MAST4: variants seen among roughly 807,000 people sequenced by gnomAD.
MAST4 encodes microtubule associated serine/threonine kinase family member 4.
In MAST4, 89 loss-of-function variants were observed where a neutral mutation model predicts 162.7. That is an observed-to-expected ratio of 0.55 (90% confidence interval 0.46 to 0.65). The LOEUF (loss-of-function observed/expected upper bound fraction) is 0.65, where lower values mean the gene tolerates loss of function less well. Ranked by LOEUF, MAST4 falls within the 30% of genes least tolerant of loss-of-function variation. MAST4 has a pLI of 0.00. For synonymous variants in MAST4, 1,479 were observed against 1,361.1 expected, an observed-to-expected ratio of 1.09 and a Z score of -1.91; for missense variants, 3,153 against 3,374.0, an observed-to-expected ratio of 0.93 and a Z score of 1.62.
intron 4 of MAST4, among the ~76,000 whole-genome samples, chr5:66,985,100 T>C (rs1338274861): frequency 1.3e-5 from 2 of 152,054 alleles, no homozygotes; most frequent in East Asian, 3.9e-4. Context: ...ACACTGCAGA[T>C]TGAAATATCA....
chr5:67,068,748 T>G (rs1362735682), intron 5 of MAST4, among the ~76,000 whole-genome samples: 1 of 152,128 alleles, frequency 6.6e-6, no homozygotes, highest in African/African-American at 2.4e-5. Context: ...ATTTATGGGA[T>G]GTTTTAAGTA....
intron 1 of MAST4, among the ~76,000 whole-genome samples, chr5:66,625,818 C>G (rs910453121): frequency 2.0e-5 from 3 of 152,080 alleles, no homozygotes; most frequent in African/African-American, 4.8e-5. Flanking sequence ...AAATCAGGAT[C>G]ATAAAGAGAT....
chr5:66,804,722 C>T (rs1382834377), intron 3 of MAST4, among the ~76,000 whole-genome samples: 1 of 152,126 alleles, frequency 6.6e-6, no homozygotes, highest in Non-Finnish European at 1.5e-5. Flanking sequence ...AGAGTGGACT[C>T]TTCTGTATGT....
intron 3 of MAST4, among the ~76,000 whole-genome samples, chr5:66,820,245 A>C (rs1189797125): frequency 1.3e-5 from 2 of 152,204 alleles, no homozygotes; most frequent in Non-Finnish European, 2.9e-5. Context: ...TTTTATCTCT[A>C]GGTATATCTT....
intron 4 of MAST4, among the ~76,000 whole-genome samples, chr5:66,951,596 A>G: frequency 8.7e-6 from 1 of 114,892 alleles, no homozygotes; most frequent in Non-Finnish European, 1.8e-5. Context: ...GCCTCCCATG[A>G]TATGTGTGTG....
chr5:66,678,787 C>T (rs1157554961), intron 1 of MAST4, among the ~76,000 whole-genome samples: 1 of 107,848 alleles, frequency 9.3e-6, no homozygotes, highest in Non-Finnish European at 1.8e-5. Flanking sequence ...CCACCATGCC[C>T]GGCCCCCAAT....
intron 1 of MAST4, among the ~76,000 whole-genome samples, chr5:66,632,436 TC>T (rs1449051860): frequency 6.6e-6 from 1 of 152,140 alleles, no homozygotes; most frequent in Non-Finnish European, 1.5e-5. Context: ...GGAGAAGTCA[TC>T]TGGGCTAAAA....
At chr5:66,747,074 G>A (rs1483492966) in intron 1 of MAST4, among the ~76,000 whole-genome samples, 1 of 150,554 alleles carries the variant, frequency 6.6e-6, no homozygotes, top group African/African-American at 2.5e-5. Context: ...TGTATTGCTG[G>A]TGGTGGATGT....
intron 1 of MAST4, among the ~76,000 whole-genome samples, chr5:66,753,055 G>T (rs1486975453): frequency 3.3e-4 from 49 of 150,278 alleles, no homozygotes; most frequent in Non-Finnish European, 6.1e-4. Context: ...ATGACTACTG[G>T]GTACATAACG....
At chr5:66,897,774 T>C (rs1029695307) in intron 3 of MAST4, among the ~76,000 whole-genome samples, 3 of 152,194 alleles carry the variant, frequency 2.0e-5, no homozygotes, top group African/African-American at 2.4e-5. Flanking sequence ...CACTGTAACC[T>C]TTCTCCTTGT....
chr5:67,000,411 T>A (rs58968659), intron 4 of MAST4, among the ~76,000 whole-genome samples: 4,089 of 152,286 alleles, frequency 0.027, 164 homozygotes, highest in African/African-American at 0.08. Flanking sequence ...CCAGGCATAT[T>A]ATCTTTTAAC....
chr5:67,018,136 T>C (rs1459441939), intron 4 of MAST4, among the ~76,000 whole-genome samples: 1 of 152,150 alleles, frequency 6.6e-6, no homozygotes, highest in African/African-American at 2.4e-5. Flanking sequence ...TAACACATAG[T>C]TAGATTACAT....
intron 1 of MAST4, among the ~76,000 whole-genome samples, chr5:66,683,855 G>A (rs914504269): frequency 3.9e-5 from 6 of 152,150 alleles, no homozygotes; most frequent in African/African-American, 1.4e-4. Flanking sequence ...TATGAGGCAG[G>A]CTGACAGATG....
At chr5:66,788,605 C>CCCCAAACAAAAAAAAAAAAAAAA in intron 2 of MAST4, 65 bp from the exon 3 acceptor site, 7 of 1,344,520 alleles carry the variant, frequency 5.2e-6, no homozygotes, top group Non-Finnish European at 7.3e-6. Context: ...CACCCCCACC[C>CCCCAAACAAAAAAAAAAAAAAAA]CCATTGCAAT....
chr5:66,939,456 T>G (rs1319743233), intron 4 of MAST4, among the ~76,000 whole-genome samples: 1 of 152,226 alleles, frequency 6.6e-6, no homozygotes, highest in Non-Finnish European at 1.5e-5. Context: ...TAAAGTGATA[T>G]CTCATTGTTA....
intron 2 of MAST4, among the ~76,000 whole-genome samples, chr5:66,760,123 A>ATTTT (rs869303995): frequency 1.4e-5 from 2 of 139,096 alleles, no homozygotes; most frequent in Non-Finnish European, 3.2e-5. Flanking sequence ...TTATTTATTT[A>ATTTT]TTTTTTGAGA....
intron 14 of MAST4, 37 bp downstream of exon 14, chr5:67,121,139 A>G (rs912027783): frequency 9.0e-6 from 13 of 1,438,474 alleles, no homozygotes; most frequent in African/African-American, 2.8e-5. Flanking sequence ...TTGTATTTCT[A>G]CACACTCAAG....
intron 1 of MAST4, among the ~76,000 whole-genome samples, chr5:66,609,692 TTTTTTTTTTTTTG>T (rs781490830): frequency 0.08 from 9,288 of 116,090 alleles, 323 homozygotes; most frequent in Middle Eastern, 0.17. Flanking sequence ...CAGCCTGGTG[TTTTTTTTTTTTTG>T]TTTTTTTTTT....
intron 1 of MAST4, among the ~76,000 whole-genome samples, chr5:66,739,423 G>T (rs1580334636): frequency 6.6e-6 from 1 of 152,226 alleles, no homozygotes; most frequent in Middle Eastern, 3.4e-3. Flanking sequence ...TCACAAAGGG[G>T]TAGAAATAGG....
Sources: gnomAD v4.1 joint callset for allele counts (sites outside exome capture counted in the v4.1 genomes callset) on GRCh38, gnomAD v4.1.1 for gene constraint, MANE v1.5 for transcripts, NCBI Gene and HGNC (gene_info 2026-07-23, HGNC 2026-07-21) for gene names.